The following PCDHGC4 variants were observed in gnomAD, a reference collection of about 807,000 sequenced individuals.
PCDHGC4 encodes the protein protocadherin gamma-C4.
In PCDHGC4, 15 loss-of-function variants were observed where a neutral mutation model predicts 59.7. The observed-to-expected ratio is 0.25, with a 90% CI of 0.17 to 0.39. The LOEUF is 0.39. PCDHGC4 is among the 10% of genes least tolerant of loss of function. PCDHGC4 has a pLI of 1.00. For missense variants in PCDHGC4, 1,016 were observed against 1,189.5 expected (o/e 0.85, Z 2.15); for synonymous variants, 434 against 481.4 (o/e 0.90, Z 1.29).
rs762408704 is a variant in PCDHGC4 at position 141,486,335 on chromosome 5, C to G, written c.1162C>G (p.Arg388Gly). 6.2e-7 allele frequency: 1 copy of G among 1,613,936 alleles called. No individual in the cohort carries two copies. The highest frequency in any genetic ancestry group is 8.5e-7 in the Non-Finnish European group (1 of 1,180,002). ...DSGSNGDVSL[R>G]IPDHLPFALK... ...AGGGTCAAACGGAGATGTGAGCCTC[C>G]GCATTCCTGACCACTTGCCATTTGC... Residue 388 changes from arginine (R) to glycine (G), a missense_variant, in exon 1 of 4, where the codon CGC becomes GGC. Arg to Gly is a moderately radical substitution (Grantham distance 125, BLOSUM62 -2). Transcript: ENST00000306593. This position sits in a 1 kb window ranked among gnomAD's most constrained non-coding sequence, Gnocchi z 5.0.
At chr5:141,501,147 G>A (rs1166199034) in intron 2 of PCDHGC4, among the ~76,000 whole-genome samples, 1 of 152,142 alleles carries the variant, frequency 6.6e-6, no homozygotes, top group Non-Finnish European at 1.5e-5. Context: ...GATTACAGGT[G>A]GGAGCCACCA....
chr5:141,495,069 T>G (rs1179878936), intron 2 of PCDHGC4, among the ~76,000 whole-genome samples: 1 of 152,142 alleles, frequency 6.6e-6, no homozygotes, highest in African/African-American at 2.4e-5. Flanking sequence ...GGAAGCTCAA[T>G]TCACATGCTT....
At chr5:141,505,238 G>A (rs1254100882) in intron 2 of PCDHGC4, 155 bp from the exon 3 acceptor site, 2 of 890,422 alleles carry the variant, frequency 2.2e-6, no homozygotes, top group South Asian at 5.2e-5. Context: ...GGCTTCTGAA[G>A]GATTGTAGAA....
Position 141,490,293 on chromosome 5 carries a change from A to G in PCDHGC4, c.2442+2678A>G, listed in dbSNP as rs1316965652. On this transcript the variant is annotated intron_variant, in intron 1 of 3. Transcript: ENST00000306593. The surrounding 1 kb of genome is among the most constrained non-coding windows in gnomAD (Gnocchi z 5.4). ...TCAATGACAATGCCCCAGAGGTGCTATTGGCCTCTTTGGCCAACCCTGTCC... is the reference window on the plus strand; with the variant it reads ...TCAATGACAATGCCCCAGAGGTGCTGTTGGCCTCTTTGGCCAACCCTGTCC... The G allele has an allele frequency of 1.2e-6, 2 of 1,614,190 alleles. No individual in the cohort carries two copies. The highest frequency in any genetic ancestry group is 8.5e-7 in the Non-Finnish European group (1 of 1,180,028).
intron 2 of PCDHGC4, among the ~76,000 whole-genome samples, chr5:141,499,573 A>AT (rs2099792803): frequency 1.3e-5 from 2 of 152,108 alleles, no homozygotes; most frequent in Non-Finnish European, 2.9e-5. Context: ...AGCTTCAACT[A>AT]ATGCCTTATC....
Position 141,486,656 on chromosome 5 carries a change from C to A in PCDHGC4, c.1483C>A (p.Leu495Met). 6.2e-7 allele frequency: 1 copy of A among 1,614,020 alleles called. No homozygotes were observed. Among genetic ancestry groups the A allele is most frequent in the Non-Finnish European group, 8.5e-7 (1 of 1,180,038 alleles). The change falls in exon 1 of 4, where the codon CTG becomes ATG. Residue 495 changes from leucine to methionine, a missense_variant. By Grantham distance (15) the Leu-to-Met change is conservative (BLOSUM62 2). Transcript: ENST00000306593. This position sits in a 1 kb window ranked among gnomAD's most constrained non-coding sequence, Gnocchi z 5.0. Reference protein sequence around the residue: ...GLNALISYSLLEPRNRDVSAS... With the variant: ...GLNALISYSLMEPRNRDVSAS... ...GAATGCGCTTATCTCCTACTCACTCCTGGAGCCCAGGAATCGAGATGTATC... is the reference window on the plus strand; with the variant it reads ...GAATGCGCTTATCTCCTACTCACTCATGGAGCCCAGGAATCGAGATGTATC...
At chr5:141,492,495 G>A (rs750427038) in intron 1 of PCDHGC4, among the ~76,000 whole-genome samples, 65 of 152,186 alleles carry the variant, frequency 4.3e-4, no homozygotes, top group Non-Finnish European at 6.0e-4. Context: ...ACCAGGCGAG[G>A]ACTCCGGAGC....
rs764337284 is a variant in PCDHGC4, at chr5:141,490,255, G to A, written c.2442+2640G>A. Reference sequence around the variant, plus strand: ...GGAGGGCCACTGTGTGATTCAAGTGGATGTGGGGGATGTCAATGACAATGC... The same window carrying A: ...GGAGGGCCACTGTGTGATTCAAGTGAATGTGGGGGATGTCAATGACAATGC... On this transcript the variant is annotated intron_variant, in intron 1 of 3. Transcript: ENST00000306593. The surrounding 1 kb of genome is among the most constrained non-coding windows in gnomAD (Gnocchi z 5.4). 6 of 1,614,118 alleles carry A rather than the reference G, an allele frequency of 3.7e-6. No individual in the cohort carries two copies. In the Admixed American group the frequency reaches 6.7e-5, roughly 18 times the overall value.
chr5:141,494,812 C>G lies in PCDHGC4; in HGVS notation c.2448C>G (p.Ala816=). The part of the protein sequence containing the change: ...PSDLLYGLEQ[A]PPNTDWRFSQ... ...TCCCTCTGTTTTCTCCACAGCAAGCCCCGCCCAACACGGACTGGCGTTTCT... is the reference window on the plus strand; with the variant it reads ...TCCCTCTGTTTTCTCCACAGCAAGCGCCGCCCAACACGGACTGGCGTTTCT... The change falls in exon 2 of 4, where the codon GCC becomes GCG. Residue 816 remains alanine, a synonymous_variant. Coordinates refer to ENST00000306593, the MANE Select transcript of PCDHGC4 (RefSeq NM_018928.3). 4 of 1,614,146 alleles carry G rather than the reference C, an allele frequency of 2.5e-6. No homozygotes were observed. The highest frequency in any genetic ancestry group is 3.4e-6 in the Non-Finnish European group (4 of 1,180,016).
Position 141,486,070 on chromosome 5 carries a change from T to C in PCDHGC4, c.897T>C (p.Thr299=). ...VRNLFSLHPT[T]GKLTLLGPLD... is the part of the protein sequence containing the mutation. ...ACCTCTTTAGCCTGCACCCCACTAC[T>C]GGAAAGCTTACTCTTTTGGGGCCCC... The change falls in exon 1 of 4, where the codon ACT becomes ACC. Residue 299 remains threonine (T), a synonymous_variant. Coordinates refer to ENST00000306593, the MANE Select transcript of PCDHGC4 (RefSeq NM_018928.3). The surrounding 1 kb of genome is among the most constrained non-coding windows in gnomAD (Gnocchi z 5.0). 6.2e-7 allele frequency: 1 copy of C among 1,614,158 alleles called. No homozygotes were observed. The highest frequency in any genetic ancestry group is 8.5e-7 in the Non-Finnish European group (1 of 1,180,010).
At chr5:141,509,411 AGCC>A (rs2099876675) in intron 3 of PCDHGC4, among the ~76,000 whole-genome samples, 2 of 152,098 alleles carry the variant, frequency 1.3e-5, no homozygotes, top group Admixed American at 1.3e-4. Flanking sequence ...TCCAGCAGCG[AGCC>A]CCAATGAGTC....
At chr5:141,499,029 A>AAGGAAGGAAGGAAGGAAGGAAGG (rs1562187768) in intron 2 of PCDHGC4, among the ~76,000 whole-genome samples, 1 of 139,968 alleles carries the variant, frequency 7.1e-6, no homozygotes, top group African/African-American at 2.8e-5. Flanking sequence ...AGGAAGGAAG[A>AAGGAAGGAAGGAAGGAAGGAAGG]AAAGAAAGAA....
chr5:141,488,170 T>C (rs554585709), intron 1 of PCDHGC4, among the ~76,000 whole-genome samples: 2 of 152,318 alleles, frequency 1.3e-5, no homozygotes, highest in African/African-American at 2.4e-5. Context: ...ATCAGAGTGG[T>C]GGCATAGATC....
chr5:141,487,933 A>ACCCTGTG lies in PCDHGC4; in HGVS notation c.2442+319_2442+320insCCTGTGC. 1.6e-6 allele frequency: 1 copy of ACCCTGTG among 612,004 alleles called. No individual in the cohort carries two copies. The highest frequency in any genetic ancestry group is 1.8e-5 in the African/African-American group (1 of 54,216). The allele number at this position is 612,004 out of a possible 1,614,324, so 37.9% of individuals were successfully genotyped here. On this transcript the variant is annotated intron_variant, in intron 1 of 3. Coordinates refer to ENST00000306593, the MANE Select transcript of PCDHGC4 (RefSeq NM_018928.3). The surrounding 1 kb of genome is among the most constrained non-coding windows in gnomAD (Gnocchi z 5.0). ...CACAGGAGGCTACAGTGCACAGGGT[A>ACCCTGTG]CAGTGCACCAGGCAGTCACTTGGAC... is the stretch of plus-strand genomic sequence containing the variant.
Position 141,486,747 on chromosome 5 carries a change from A to G in PCDHGC4, c.1574A>G (p.Tyr525Cys), listed in dbSNP as rs750666508. The G allele has an allele frequency of 3.1e-6, 5 of 1,614,210 alleles. No homozygotes were observed. The highest frequency in any genetic ancestry group is 4.2e-6 in the Non-Finnish European group (5 of 1,180,034). The change falls in exon 1 of 4, where the codon TAT becomes TGT. Residue 525 changes from tyrosine to cysteine, a missense_variant. Transcript: ENST00000306593. This position sits in a 1 kb window ranked among gnomAD's most constrained non-coding sequence, Gnocchi z 5.0. ...GAVHATRSFD[Y>C]EQTQTLQFEV... Reference sequence around the variant, plus strand: ...GTTCATGCTACTCGATCCTTTGACTATGAGCAAACCCAGACACTGCAGTTT... The same window carrying G: ...GTTCATGCTACTCGATCCTTTGACTGTGAGCAAACCCAGACACTGCAGTTT...
At chr5:141,496,588 C>T (rs775641672) in intron 2 of PCDHGC4, among the ~76,000 whole-genome samples, 9 of 152,280 alleles carry the variant, frequency 5.9e-5, no homozygotes, top group Non-Finnish European at 1.0e-4. Context: ...GAACGCAAAG[C>T]GCTTCTTAGA....
At chr5:141,508,162 G>A (rs377676571) in intron 3 of PCDHGC4, 4 of 152,502 alleles carry the variant, frequency 2.6e-5, no homozygotes, top group African/African-American at 9.7e-5. Context: ...CCTGAGTAGA[G>A]GCTGGCACAG....
At position 141,511,481 on chromosome 5, in the gene PCDHGC4, ACTC is replaced by A. The variant is rs2154594681; in HGVS notation, c.*313_*315del. On this transcript the variant is annotated 3_prime_UTR_variant, in exon 4 of 4. Coordinates refer to ENST00000306593, the MANE Select transcript of PCDHGC4 (RefSeq NM_018928.3). ...CCACACCCCGTTTAGTTACAGCTGAACTCCTCCATCTTCCAAATCAATCAGGCC... is the reference window on the plus strand; with the variant it reads ...CCACACCCCGTTTAGTTACAGCTGAACTCCATCTTCCAAATCAATCAGGCC... 2 of 464,080 alleles carry A rather than the reference ACTC, an allele frequency of 4.3e-6. No individual in the cohort carries two copies. The highest frequency in any genetic ancestry group is 7.7e-6 in the Non-Finnish European group (2 of 260,856). The allele number at this position is 464,080 out of a possible 1,614,324, so 28.7% of individuals were successfully genotyped here.
chr5:141,501,706 T>TA (rs2099810629), intron 2 of PCDHGC4, among the ~76,000 whole-genome samples: 1 of 152,094 alleles, frequency 6.6e-6, no homozygotes, highest in South Asian at 2.1e-4. Flanking sequence ...ATTCCGAGGA[T>TA]AAAAAAGACA....
Sources: allele counts gnomAD v4.1 joint callset (sites outside exome capture counted in the v4.1 genomes callset), GRCh38; gene constraint gnomAD v4.1.1; non-coding constraint Gnocchi (gnomAD v3.1); transcripts MANE v1.5; gene names NCBI Gene and HGNC (gene_info 2026-07-23, HGNC 2026-07-21).